The following TPTE2 variants were observed in gnomAD, a reference collection of about 807,000 sequenced individuals.
TPTE2 encodes the protein phosphatidylinositol 3,4,5-trisphosphate 3-phosphatase TPTE2.
A neutral mutation model predicts 78.6 loss-of-function variants in TPTE2; 53 were observed. The ratio of observed to expected loss-of-function variants is 0.67; its 90% CI spans 0.54 to 0.85. The LOEUF (loss-of-function observed/expected upper bound fraction) is 0.85. Ranked by LOEUF, TPTE2 falls within the 40% of genes least tolerant of loss-of-function variation. The pLI, the probability that TPTE2 is intolerant of heterozygous loss-of-function variation, is 0.00. For missense variants in TPTE2, 461 were observed against 623.0 expected (o/e 0.74, Z 2.77); for synonymous variants, 175 against 206.2 (o/e 0.85, Z 1.30).
chr13:19,442,881 G>A (rs1354232942), intron 13 of TPTE2, among the ~76,000 whole-genome samples: 1 of 152,032 alleles, frequency 6.6e-6, no homozygotes, highest in Non-Finnish European at 1.5e-5. Flanking sequence ...ATTCTATATA[G>A]GGAATTGAGC....
At chr13:19,499,213 C>T (rs945444524) in intron 1 of TPTE2, among the ~76,000 whole-genome samples, 3 of 152,104 alleles carry the variant, frequency 2.0e-5, no homozygotes, top group Admixed American at 1.3e-4. Context: ...CACTTTAACA[C>T]CCCACTGTCA....
intron 10 of TPTE2, chr13:19,458,616 C>A: frequency 2.1e-6 from 1 of 479,266 alleles, no homozygotes; most frequent in Non-Finnish European, 4.2e-6. Flanking sequence ...CTGAAGAGAC[C>A]ATGGAGATTA....
Position 19,482,504 on chromosome 13 carries a change from T to G in TPTE2, c.163A>C (p.Asn55His), listed in dbSNP as rs781479086. 9.3e-6 allele frequency: 15 copies of G among 1,612,300 alleles called. No individual in the cohort carries two copies. The Admixed American group carries it at 2.5e-4, about 27-fold the overall frequency. Residue 55 changes from asparagine to histidine, a missense_variant, in exon 4 of 20, where the codon AAT becomes CAT. Physicochemically the swap from Asn to His is moderately conservative, Grantham distance 68. Transcript: ENST00000400230. ...CTGACTTACTCATATGAAGCAACAT[T>G]TTCAGCATCTTCAACTTCAAACTTG...
chr13:19,481,301 T>A (rs1222673336), intron 4 of TPTE2, among the ~76,000 whole-genome samples: 1 of 152,238 alleles, frequency 6.6e-6, no homozygotes, highest in Non-Finnish European at 1.5e-5. Context: ...TTGCATGTTA[T>A]TTTCGTTTTA....
At chr13:19,476,384 C>A (rs983032000) in intron 4 of TPTE2, among the ~76,000 whole-genome samples, 3 of 150,366 alleles carry the variant, frequency 2.0e-5, no homozygotes, top group Non-Finnish European at 4.4e-5. Flanking sequence ...CAGGAGACTT[C>A]AGTAGGAGAA....
intron 17 of TPTE2, among the ~76,000 whole-genome samples, chr13:19,427,478 T>G (rs1390653309): frequency 6.6e-6 from 1 of 152,222 alleles, no homozygotes; most frequent in Non-Finnish European, 1.5e-5. Flanking sequence ...GTGTCTCATT[T>G]GATTTTCATG....
At chr13:19,495,932 G>C (rs1483002738) in intron 1 of TPTE2, among the ~76,000 whole-genome samples, 1 of 152,076 alleles carries the variant, frequency 6.6e-6, no homozygotes, top group East Asian at 1.9e-4. Flanking sequence ...GCAGTGGCAT[G>C]ATCTCAGCTC....
At chr13:19,467,436 A>C in intron 6 of TPTE2, 92 bp from the exon 10 acceptor site, 3 of 997,272 alleles carry the variant, frequency 3.0e-6, no homozygotes, top group Non-Finnish European at 2.7e-6. Context: ...ACTCATCCCC[A>C]TTAAGAATTC....
intron 6 of TPTE2, among the ~76,000 whole-genome samples, chr13:19,467,693 A>G (rs796412840): frequency 3.9e-5 from 6 of 152,282 alleles, no homozygotes; most frequent in African/African-American, 1.4e-4. Flanking sequence ...CAATCCAATT[A>G]CACTCTTTCA....
chr13:19,432,905 T>A (rs1405032198), intron 15 of TPTE2, among the ~76,000 whole-genome samples: 1 of 152,104 alleles, frequency 6.6e-6, no homozygotes, highest in African/African-American at 2.4e-5. Flanking sequence ...AGAAGCTTAG[T>A]TGTGACTGAG....
At chr13:19,446,152 T>C (rs1877820706) in intron 13 of TPTE2, among the ~76,000 whole-genome samples, 1 of 152,230 alleles carries the variant, frequency 6.6e-6, no homozygotes, top group East Asian at 1.9e-4. Flanking sequence ...AAGTTGTCAG[T>C]TCTCTCAAGT....
intron 16 of TPTE2, among the ~76,000 whole-genome samples, chr13:19,430,769 G>T (rs1195311144): frequency 6.6e-6 from 1 of 152,172 alleles, no homozygotes; most frequent in East Asian, 1.9e-4. Context: ...GAAGAGAAAA[G>T]AATACATATA....
chr13:19,538,675 C>T (rs977065692), upstream of TPTE2, among the ~76,000 whole-genome samples: 1 of 151,918 alleles, frequency 6.6e-6, no homozygotes, highest in African/African-American at 2.4e-5. Flanking sequence ...ATTACCACAC[C>T]TGGCAAATTT....
At chr13:19,482,038 A>C (rs533008206) in intron 4 of TPTE2, among the ~76,000 whole-genome samples, 143 of 152,114 alleles carry the variant, frequency 9.4e-4, no homozygotes, top group Non-Finnish European at 1.4e-3. Context: ...ACAAATAAGA[A>C]TAAAATCCCA....
chr13:19,553,903 ATACTTT>A, the TPTE2 span, among the ~76,000 whole-genome samples: 1 of 152,262 alleles, frequency 6.6e-6, no homozygotes, highest in Non-Finnish European at 1.5e-5. Flanking sequence ...GTCAAGTTAT[ATACTTT>A]AAATATGTGC....
intron 1 of TPTE2, among the ~76,000 whole-genome samples, chr13:19,495,845 GT>G (rs924919226): frequency 7.2e-5 from 11 of 151,818 alleles, no homozygotes; most frequent in East Asian, 1.9e-4. Flanking sequence ...CTTTTGTTTT[GT>G]TTTTTTTGTT....
the TPTE2 span, among the ~76,000 whole-genome samples, chr13:19,547,720 C>CATACATACATACATATAT: frequency 8.4e-6 from 1 of 118,864 alleles, no homozygotes; most frequent in African/African-American, 2.7e-5. Context: ...AATAAATATA[C>CATACATACATACATATAT]ATATATATAT....
At chr13:19,540,611 T>G (rs1871413848), upstream of TPTE2, among the ~76,000 whole-genome samples, 1 of 152,112 alleles carries the variant, frequency 6.6e-6, no homozygotes, top group African/African-American at 2.4e-5. Context: ...AGCCCATATC[T>G]CTTTATTATT....
chr13:19,453,342 T>G (rs1878315124), intron 10 of TPTE2, among the ~76,000 whole-genome samples: 1 of 151,886 alleles, frequency 6.6e-6, no homozygotes, highest in South Asian at 2.1e-4. Context: ...TCCTTCATTC[T>G]CTCAACAAGT....
Sources: gnomAD v4.1 joint callset for allele counts (sites outside exome capture counted in the v4.1 genomes callset) on GRCh38, gnomAD v4.1.1 for gene constraint, MANE v1.5 for transcripts, NCBI Gene and HGNC (gene_info 2026-07-23, HGNC 2026-07-21) for gene names.